Variants in C11orf65 observed in about 807,000 individuals in gnomAD.
C11orf65 encodes protein MFI.
In C11orf65, 38 loss-of-function variants were observed where a neutral mutation model predicts 35.3. The ratio of observed to expected loss-of-function variants is 1.08; its 90% confidence interval spans 0.83 to 1.41. The LOEUF is 1.41. Ranked by LOEUF, C11orf65 falls within the 40% of genes most tolerant of loss-of-function variation. The pLI is 0.00. For missense variants in C11orf65, 370 were observed against 367.1 expected (o/e 1.01, Z -0.06); for synonymous variants, 105 against 114.4 (o/e 0.92, Z 0.53).
intron 1 of C11orf65, among the ~76,000 whole-genome samples, chr11:108,464,592 C>A (rs2093512012): frequency 6.6e-6 from 1 of 151,828 alleles, no homozygotes; most frequent in Non-Finnish European, 1.5e-5. Flanking sequence ...CATCTCTTGA[C>A]CTCGTGATCC....
intron 3 of C11orf65, among the ~76,000 whole-genome samples, chr11:108,408,813 C>A (rs974256169): frequency 4.0e-5 from 6 of 151,278 alleles, no homozygotes; most frequent in South Asian, 2.1e-4. Flanking sequence ...GAAAAAAATT[C>A]TTGGTCCTTT....
At chr11:108,448,094 A>T (rs976978438) in intron 2 of C11orf65, among the ~76,000 whole-genome samples, 1 of 152,212 alleles carries the variant, frequency 6.6e-6, no homozygotes, top group Admixed American at 6.5e-5. Context: ...GAAGAAGTTG[A>T]ATCTCTGAAT....
At chr11:108,381,905 GT>G, downstream of C11orf65, among the ~76,000 whole-genome samples, 1 of 151,204 alleles carries the variant, frequency 6.6e-6, no homozygotes. Context: ...TCTCAGACTA[GT>G]TCTTAAAAGG....
chr11:108,355,959 A>T (rs951231859), intron 2 of C11orf65: 1 of 152,220 alleles, frequency 6.6e-6, no homozygotes, highest in African/African-American at 2.4e-5. Context: ...TTTTGCTACA[A>T]GGAGTTTGCT....
At chr11:108,334,459 T>G (rs1025867812) in intron 3 of C11orf65, among the ~76,000 whole-genome samples, 4 of 152,216 alleles carry the variant, frequency 2.6e-5, no homozygotes, top group Non-Finnish European at 5.9e-5. Context: ...CAAGAAATAA[T>G]GGAAGTAATT....
chr11:108,324,437 TATG>T (rs551223578), intron 6 of C11orf65, among the ~76,000 whole-genome samples: 15 of 152,296 alleles, frequency 9.8e-5, no homozygotes, highest in Middle Eastern at 3.4e-3. Flanking sequence ...GTCTTTCTAA[TATG>T]ATATCATATC....
chr11:108,420,680 A>G (rs2092802879), intron 3 of C11orf65, among the ~76,000 whole-genome samples: 1 of 152,158 alleles, frequency 6.6e-6, no homozygotes, highest in Admixed American at 6.6e-5. Context: ...AATGTTCATG[A>G]TTTAGAGCTC....
At chr11:108,363,704 A>G (rs2091045222) in intron 2 of C11orf65, among the ~76,000 whole-genome samples, 1 of 152,202 alleles carries the variant, frequency 6.6e-6, no homozygotes, top group African/African-American at 2.4e-5. Flanking sequence ...ATCAGTCTGT[A>G]TTCCTTTACT....
chr11:108,353,634 C>T, intron 2 of C11orf65: 1 of 737,264 alleles, frequency 1.4e-6, no homozygotes, highest in African/African-American at 1.7e-5. Context: ...CAGAAGTAAA[C>T]TACTGTACAT....
At chr11:108,315,789 CCTT>C (rs745774526) in intron 6 of C11orf65, 2 of 1,547,672 alleles carry the variant, frequency 1.3e-6, no homozygotes, top group Admixed American at 1.7e-5. Context: ...GATTTTTTTT[CCTT>C]CTTCAATTTT....
intron 2 of C11orf65, chr11:108,366,395 T>C (rs2091332664): frequency 4.6e-6 from 1 of 217,686 alleles, no homozygotes; most frequent in East Asian, 6.8e-5. Flanking sequence ...TCATTTTTAA[T>C]GTTTTTTTAA....
At chr11:108,310,872 T>G (rs1224748196) in intron 6 of C11orf65, among the ~76,000 whole-genome samples, 1 of 152,148 alleles carries the variant, frequency 6.6e-6, no homozygotes. Flanking sequence ...AAGAATCTAA[T>G]AAATATACTC....
chr11:108,323,224 A>G (rs2136276101), intron 6 of C11orf65, among the ~76,000 whole-genome samples: 1 of 152,360 alleles, frequency 6.6e-6, no homozygotes, highest in African/African-American at 2.4e-5. Flanking sequence ...AATGTGGCTT[A>G]GGAGGAAAAT....
downstream of C11orf65, chr11:108,330,158 T>C: frequency 6.4e-7 from 1 of 1,557,846 alleles, no homozygotes; most frequent in East Asian, 2.3e-5. Context: ...TGTGTGATTT[T>C]GTAGTTCTGT....
At chr11:108,368,428 G>A (rs555227643) in intron 2 of C11orf65, 2 of 212,640 alleles carry the variant, frequency 9.4e-6, no homozygotes, top group East Asian at 1.4e-4. Context: ...CTAAGTCACT[G>A]ACCCATATTA....
intron 3 of C11orf65, among the ~76,000 whole-genome samples, chr11:108,430,563 T>A (rs2092972600): frequency 6.6e-6 from 1 of 151,910 alleles, no homozygotes; most frequent in Admixed American, 6.6e-5. Flanking sequence ...AAAAGACCAA[T>A]AAGGGTACGG....
intron 2 of C11orf65, among the ~76,000 whole-genome samples, chr11:108,451,692 T>C (rs1310612877): frequency 6.6e-6 from 1 of 152,110 alleles, no homozygotes; most frequent in African/African-American, 2.4e-5. Flanking sequence ...GAGCCTGCAT[T>C]GCCAAGACAA....
At chr11:108,361,443 A>T (rs2090740632) in intron 2 of C11orf65, among the ~76,000 whole-genome samples, 2 of 152,024 alleles carry the variant, frequency 1.3e-5, no homozygotes, top group South Asian at 4.2e-4. Flanking sequence ...ATTGGAAAAA[A>T]CTACTTTAAA....
chr11:108,468,010 A>G (rs1302174865), upstream of C11orf65, among the ~76,000 whole-genome samples: 1 of 151,790 alleles, frequency 6.6e-6, no homozygotes, highest in Non-Finnish European at 1.5e-5. Flanking sequence ...ATTTTTATTA[A>G]TAGTGGCGAC....
Sources: gnomAD v4.1 joint callset for allele counts (sites outside exome capture counted in the v4.1 genomes callset) on GRCh38, gnomAD v4.1.1 for gene constraint, MANE v1.5 for transcripts, NCBI Gene and HGNC (gene_info 2026-07-23, HGNC 2026-07-21) for gene names.